The following LGALS2 variants were observed in gnomAD, a reference collection of about 807,000 sequenced individuals.
LGALS2 encodes galectin-2.
LGALS2 carries 7 observed loss-of-function variants against 10.1 expected under a neutral mutation model. The observed-to-expected ratio is 0.70, with a 90% confidence interval of 0.40 to 1.31. LGALS2 has a LOEUF of 1.31. Ranked by LOEUF, LGALS2 falls within the 50% of genes most tolerant of loss-of-function variation. LGALS2 has a pLI of 0.01. For missense variants in LGALS2, 167 were observed against 163.6 expected (o/e 1.02, Z -0.11); for synonymous variants, 86 against 64.2 (o/e 1.34, Z -1.63).
At chr22:37,576,435 G>A (rs1359907752) in intron 1 of LGALS2, among the ~76,000 whole-genome samples, 3 of 128,774 alleles carry the variant, frequency 2.3e-5, no homozygotes, top group Admixed American at 1.8e-4. Flanking sequence ...CTGGGCGACA[G>A]AGCGAGACTC....
intron 1 of LGALS2, among the ~76,000 whole-genome samples, chr22:37,572,818 TA>T (rs1925544681): frequency 1.7e-5 from 2 of 117,030 alleles, no homozygotes; most frequent in Non-Finnish European, 1.6e-5. Flanking sequence ...TAAAATAAAA[TA>T]AATTATCTGC....
At chr22:37,578,311 T>C (rs1192744448) in intron 1 of LGALS2, among the ~76,000 whole-genome samples, 1 of 152,142 alleles carries the variant, frequency 6.6e-6, no homozygotes, top group African/African-American at 2.4e-5. Context: ...TGAGACAAGG[T>C]CTCACTCTGT....
chr22:37,572,982 A>C (rs1025667355), intron 1 of LGALS2, among the ~76,000 whole-genome samples: 1 of 115,760 alleles, frequency 8.6e-6, no homozygotes, highest in South Asian at 2.3e-4. Context: ...AAAGAAAAAC[A>C]AAAAAAAAAG....
chr22:37,570,521 CA>C, intron 3 of LGALS2, 54 bp downstream of exon 3: 1 of 1,610,912 alleles, frequency 6.2e-7, no homozygotes, highest in Non-Finnish European at 8.5e-7. Context: ...GGCTCTCTTC[CA>C]TCTGGGCCCT....
At chr22:37,572,566 G>C (rs1374843320) in intron 1 of LGALS2, among the ~76,000 whole-genome samples, 2 of 151,766 alleles carry the variant, frequency 1.3e-5, no homozygotes, top group Non-Finnish European at 2.9e-5. Context: ...AGGAGATCGA[G>C]ACCATCCTGG....
intron 3 of LGALS2, 43 bp downstream of exon 3, chr22:37,570,533 C>T (rs749338031): frequency 4.3e-6 from 7 of 1,612,692 alleles, no homozygotes; most frequent in African/African-American, 2.7e-5. Flanking sequence ...TCTGGGCCCT[C>T]CCCTTGACAT....
At chr22:37,577,532 C>CTTTTTTTTTT (rs10674228) in intron 1 of LGALS2, among the ~76,000 whole-genome samples, 10 of 147,080 alleles carry the variant, frequency 6.8e-5, no homozygotes, top group African/African-American at 1.0e-4. Flanking sequence ...TTTTCTTCTT[C>CTTTTTTTTTT]TTCTTCTTTT....
At chr22:37,573,533 A>G (rs1366036956) in intron 1 of LGALS2, among the ~76,000 whole-genome samples, 2 of 151,994 alleles carry the variant, frequency 1.3e-5, no homozygotes, top group African/African-American at 2.4e-5. Context: ...TCCCATTTCT[A>G]TTTTTGTTGT....
chr22:37,579,387 T>C (rs1925783276), intron 1 of LGALS2, among the ~76,000 whole-genome samples: 2 of 151,990 alleles, frequency 1.3e-5, no homozygotes, highest in Admixed American at 6.6e-5. Flanking sequence ...TAGTGAGTTA[T>C]GATTGCCACC....
chr22:37,578,842 C>T (rs1197160354), intron 1 of LGALS2: 1 of 152,182 alleles, frequency 6.6e-6, no homozygotes, highest in East Asian at 1.9e-4. Flanking sequence ...AATCCCAGCA[C>T]TTTGGGAGGC....
At chr22:37,572,927 T>C (rs772399119) in intron 1 of LGALS2, among the ~76,000 whole-genome samples, 8 of 147,006 alleles carry the variant, frequency 5.4e-5, no homozygotes, top group Non-Finnish European at 1.2e-4. Context: ...GCTGAGATCG[T>C]ACCATTGCAC....
At chr22:37,577,662 A>G (rs1925730971) in intron 1 of LGALS2, among the ~76,000 whole-genome samples, 1 of 151,974 alleles carries the variant, frequency 6.6e-6, no homozygotes, top group Admixed American at 6.6e-5. Context: ...TACAGGGGTG[A>G]GCCACCCCGC....
At position 37,570,630 on chromosome 22, in the gene LGALS2, C is replaced by T. The variant is rs1012456134; in HGVS notation, c.195G>A (p.Trp65Ter). 1.2e-6 allele frequency: 2 copies of T among 1,614,250 alleles called. No individual in the cohort carries two copies. Among genetic ancestry groups the T allele is most frequent in the Admixed American group, 1.7e-5 (1 of 60,026 alleles). Residue 65 changes from tryptophan (W) to a stop codon, truncating the protein, a stop_gained, in exon 3 of 4, where the codon TGG becomes TGA. Coordinates refer to ENST00000215886, the MANE Select transcript of LGALS2 (RefSeq NM_006498.3). LOFTEE classifies it high-confidence loss of function. ...IVCNSLDGSN[W>*]GQEQREDHLC... ...GGTGATCTTCCCGTTGTTCTTGCCC[C>T]CAGTTGCTGCCGTCCAATGAGTTGC...
intron 1 of LGALS2, among the ~76,000 whole-genome samples, chr22:37,576,117 G>C (rs1338898724): frequency 1.3e-5 from 2 of 152,086 alleles, no homozygotes; most frequent in African/African-American, 4.8e-5. Context: ...AACACAACGG[G>C]GTTGGGTCCA....
At chr22:37,578,296 G>C (rs1925745613) in intron 1 of LGALS2, among the ~76,000 whole-genome samples, 1 of 152,016 alleles carries the variant, frequency 6.6e-6, no homozygotes, top group African/African-American at 2.4e-5. Flanking sequence ...TTGTGTGTGG[G>C]TATATGAGAC....
intron 1 of LGALS2, among the ~76,000 whole-genome samples, chr22:37,579,623 G>A (rs188300240): frequency 1.2e-3 from 189 of 152,090 alleles, no homozygotes; most frequent in Non-Finnish European, 2.2e-3. Flanking sequence ...TAGTAGAGAC[G>A]GGGTTTCTCC....
At chr22:37,579,844 A>G (rs1925796146) in intron 1 of LGALS2, 56 bp downstream of exon 1, 1 of 1,581,014 alleles carries the variant, frequency 6.3e-7, no homozygotes, top group East Asian at 2.3e-5. Flanking sequence ...GCCCCCACCC[A>G]GGCAAAGACA....
rs1569181353 is a variant in LGALS2, at chr22:37,570,715, T to C, written c.110A>G (p.Gln37Arg). The C allele has an allele frequency of 6.2e-7, 1 of 1,614,112 alleles. No individual in the cohort carries two copies. Among genetic ancestry groups the C allele is most frequent in the Non-Finnish European group, 8.5e-7 (1 of 1,180,046 alleles). The change falls in exon 3 of 4, where the codon CAG becomes CGG. Residue 37 changes from glutamine (Q) to arginine (R), a missense_variant. By Grantham distance (43) the Gln-to-Arg change is conservative (BLOSUM62 1). Coordinates refer to ENST00000215886, the MANE Select transcript of LGALS2 (RefSeq NM_006498.3). ...ATGCAGGTTCAGCTTGTCTGTCCCCTGGCCCAGATTAATTACAAAGCTGCA... is the reference window on the plus strand; with the variant it reads ...ATGCAGGTTCAGCTTGTCTGTCCCCCGGCCCAGATTAATTACAAAGCTGCA... ...GTDGFVINLGQGTDKLNLHFN... is the reference protein window; with the variant it reads ...GTDGFVINLGRGTDKLNLHFN...
At chr22:37,575,645 G>A (rs1183837548) in intron 1 of LGALS2, among the ~76,000 whole-genome samples, 1 of 150,864 alleles carries the variant, frequency 6.6e-6, no homozygotes, top group Non-Finnish European at 1.5e-5. Flanking sequence ...TTTTCAGATG[G>A]GGTCTCACTA....
Sources: allele counts gnomAD v4.1 joint callset (sites outside exome capture counted in the v4.1 genomes callset), GRCh38; gene constraint gnomAD v4.1.1; transcripts MANE v1.5; gene names NCBI Gene and HGNC (gene_info 2026-07-23, HGNC 2026-07-21).